The following PITPNM2 variants were observed in gnomAD, a reference collection of about 807,000 sequenced individuals.
The protein encoded by PITPNM2 is phosphatidylinositol transfer protein membrane associated 2.
A neutral mutation model predicts 132.2 loss-of-function variants in PITPNM2; 35 were observed. The observed-to-expected ratio is 0.26, with a 90% CI of 0.20 to 0.35. The LOEUF is 0.35. PITPNM2 is among the 10% of genes least tolerant of loss of function. The probability of loss-of-function intolerance (pLI) is 1.00; values close to 1 mark genes in which losing one functional copy is unlikely to be tolerated. For synonymous variants in PITPNM2, 738 were observed against 799.2 expected, an observed-to-expected ratio of 0.92 and a Z score of 1.29; for missense variants, 1,332 against 1,912.0, an observed-to-expected ratio of 0.70 and a Z score of 5.66.
intron 2 of PITPNM2, among the ~76,000 whole-genome samples, chr12:123,055,905 C>G (rs536745828): frequency 1.3e-5 from 2 of 152,264 alleles, no homozygotes; most frequent in Non-Finnish European, 2.9e-5. Context: ...CACACACACA[C>G]ACACACACAC....
At chr12:122,998,743 G>A (rs1035775154) in intron 10 of PITPNM2, among the ~76,000 whole-genome samples, 9 of 151,816 alleles carry the variant, frequency 5.9e-5, no homozygotes, top group African/African-American at 2.2e-4. Flanking sequence ...CAGGGGGTAG[G>A]GGTAGCACCA....
At chr12:123,116,781 G>A (rs1283239656) in intron 1 of PITPNM2, among the ~76,000 whole-genome samples, 9 of 152,162 alleles carry the variant, frequency 5.9e-5, no homozygotes, top group African/African-American at 2.2e-4. Flanking sequence ...CTTGCCCAAC[G>A]GGTGATGAGG....
In PITPNM2 at chr12:122,986,288, G is replaced by A. The variant is rs776374620; in HGVS notation, c.3789C>T (p.Pro1263=). The change falls in exon 26 of 26, where the codon CCC becomes CCT. Residue 1263 remains proline (P), a synonymous_variant. Coordinates refer to ENST00000320201, the MANE Select transcript of PITPNM2 (RefSeq NM_020845.3). ...CCATGCGGGTGGCCGTGTTGCGAGC[G>A]GGCCGCGCCCGGTGGCTGTACTTCA... is the stretch of plus-strand genomic sequence containing the variant. ...AQLKYSHRAR[P]ARNTATRMAL... 68 of 1,582,632 alleles carry A rather than the reference G, an allele frequency of 4.3e-5. No homozygotes were observed. The East Asian group carries it at 5.7e-4, about 13-fold the overall frequency.
At chr12:123,025,411 G>C (rs960809406) in intron 3 of PITPNM2, among the ~76,000 whole-genome samples, 3 of 151,786 alleles carry the variant, frequency 2.0e-5, no homozygotes, top group African/African-American at 7.3e-5. Flanking sequence ...CTTTAAAAGA[G>C]CTCCTGGAAT....
intron 1 of PITPNM2, among the ~76,000 whole-genome samples, chr12:123,130,612 C>T (rs1259132044): frequency 3.3e-5 from 5 of 152,156 alleles, no homozygotes; most frequent in Non-Finnish European, 7.3e-5. Context: ...AACCCCATCT[C>T]TACTAAAAAT....
rs974821022 is a variant in PITPNM2 at position 123,111,209 on chromosome 12, G to A, written c.-199-721C>T. Among the ~76,000 whole-genome samples the A allele has an allele frequency of 8.5e-5, 13 of 152,302 alleles. No homozygotes were observed. The East Asian group carries it at 1.5e-3, about 18-fold the overall frequency. ...ACAGACAAGCCGGGTAGCCCACCTC[G>A]CAGCTCAACACACATTCTTGTTTGC... is the stretch of plus-strand genomic sequence containing the variant. On this transcript the variant is annotated intron_variant, in intron 1 of 25. Coordinates refer to ENST00000320201, the MANE Select transcript of PITPNM2 (RefSeq NM_020845.3). The surrounding 1 kb of genome is among the most constrained non-coding windows in gnomAD (Gnocchi z 4.1).
At chr12:123,034,815 G>A in intron 2 of PITPNM2, 130 bp from the exon 3 acceptor site, 1 of 514,170 alleles carries the variant, frequency 1.9e-6, no homozygotes, top group Non-Finnish European at 3.5e-6. Flanking sequence ...TGATCCAACG[G>A]TGCAACTTTG....
chr12:122,990,443 G>C, intron 17 of PITPNM2, 102 bp downstream of exon 17: 3 of 1,495,550 alleles, frequency 2.0e-6, no homozygotes, highest in Non-Finnish European at 2.7e-6. Context: ...GCCCTCCCTA[G>C]CTTCATCAGC....
rs1042509951 is a variant in PITPNM2, at chr12:122,989,993, C to T, written c.2570-45G>A. 136 of 1,279,124 alleles carry T rather than the reference C, an allele frequency of 1.1e-4. No homozygotes were observed. The East Asian group carries it at 1.4e-3, about 13-fold the overall frequency. The allele number at this position is 1,279,124 out of a possible 1,614,324, so 79.2% of individuals were successfully genotyped here. On this transcript the variant is annotated intron_variant, in intron 17 of 25. Transcript: ENST00000320201. The stretch of plus-strand genomic sequence containing the variant: ...GATGGCTCAGCCACGCGGGGATGAC[C>T]GCACTGCCACGTCTACCAGGGGCCA...
In PITPNM2 at chr12:122,987,603, C is replaced by T. The variant is rs765564072; in HGVS notation, c.3171G>A (p.Thr1057=). 8.1e-6 allele frequency: 13 copies of T among 1,613,822 alleles called. No individual in the cohort carries two copies. Among genetic ancestry groups the T allele is most frequent in the Admixed American group, 3.3e-5 (2 of 59,998 alleles). The part of the protein sequence containing the change: ...PPSGEWLYLD[T]LVTNNSGRVS... ...CACGCCCACTGTTGTTGGTCACCAGCGTATCCAGGTAGAGCCACTCGCCTG... is the reference window on the plus strand; with the variant it reads ...CACGCCCACTGTTGTTGGTCACCAGTGTATCCAGGTAGAGCCACTCGCCTG... Residue 1057 remains threonine (T), a synonymous_variant, in exon 22 of 26, where the codon ACG becomes ACA. Coordinates refer to ENST00000320201, the MANE Select transcript of PITPNM2 (RefSeq NM_020845.3).
chr12:123,075,048 T>C (rs527238318), intron 2 of PITPNM2, among the ~76,000 whole-genome samples: 96 of 152,346 alleles, frequency 6.3e-4, no homozygotes, highest in African/African-American at 2.1e-3. Flanking sequence ...TGTGTGTGCG[T>C]GCATGTGGGT....
intron 2 of PITPNM2, among the ~76,000 whole-genome samples, chr12:123,061,003 C>T (rs1191571572): frequency 6.6e-6 from 1 of 151,982 alleles, no homozygotes; most frequent in Non-Finnish European, 1.5e-5. Flanking sequence ...TATCCATCTA[C>T]CCATGTAGCT....
rs200201006 is a variant in PITPNM2, at chr12:123,000,827, G to T, written c.1175C>A (p.Ala392Asp). The change falls in exon 10 of 26, where the codon GCC becomes GAC. Residue 392 changes from alanine (A) to aspartate (D), a missense_variant. Ala to Asp is a moderately radical substitution (Grantham distance 126, BLOSUM62 -2). Transcript: ENST00000320201. The surrounding 1 kb of genome is among the most constrained non-coding windows in gnomAD (Gnocchi z 5.4). ...DTQDGLYRQG[A>D]PEFRVASSVE... is the part of the protein sequence containing the mutation. ...ACTGGAGGCCACCCTGAACTCAGGG[G>T]CACCCTGGCGGTACAGACCATCTGC... 1.2e-5 allele frequency: 20 copies of T among 1,614,064 alleles called. No individual in the cohort carries two copies. The highest frequency in any genetic ancestry group is 3.3e-4 in the Middle Eastern group (2 of 6,062).
chr12:123,021,283 A>C (rs7962085), intron 3 of PITPNM2, among the ~76,000 whole-genome samples: 123 of 152,302 alleles, frequency 8.1e-4, no homozygotes, highest in African/African-American at 2.9e-3. Context: ...CATGTGGGCC[A>C]CAGGGGCCCC....
intron 3 of PITPNM2, among the ~76,000 whole-genome samples, chr12:123,029,821 ATGTGTCTG>A (rs1392048217): frequency 9.2e-4 from 114 of 124,510 alleles, no homozygotes; most frequent in African/African-American, 4.7e-3. Context: ...GGACACACAT[ATGTGTCTG>A]TGTGTGTGTG....
chr12:123,073,124 T>A (rs2041664836), intron 2 of PITPNM2, among the ~76,000 whole-genome samples: 1 of 152,236 alleles, frequency 6.6e-6, no homozygotes, highest in Non-Finnish European at 1.5e-5. Flanking sequence ...CATGGGTCGT[T>A]AAGGTACAAA....
intron 3 of PITPNM2, among the ~76,000 whole-genome samples, chr12:123,034,093 G>A (rs186149503): frequency 6.6e-5 from 10 of 152,314 alleles, no homozygotes; most frequent in East Asian, 1.9e-4. Flanking sequence ...ACCAGAAACC[G>A]CACTTGCCAG....
intron 2 of PITPNM2, among the ~76,000 whole-genome samples, chr12:123,046,215 G>T (rs1014021078): frequency 3.3e-5 from 5 of 151,998 alleles, no homozygotes; most frequent in Non-Finnish European, 5.9e-5. Flanking sequence ...TTCCCAGTGT[G>T]AATGGCCCCC....
intron 19 of PITPNM2, 136 bp downstream of exon 19, chr12:122,988,587 AG>A: frequency 2.1e-6 from 2 of 939,590 alleles, no homozygotes; most frequent in Non-Finnish European, 3.2e-6. Context: ...CCGAGCATAA[AG>A]GTGCCCTCAT....
Sources: gnomAD v4.1 joint callset for allele counts (sites outside exome capture counted in the v4.1 genomes callset) on GRCh38, gnomAD v4.1.1 for gene constraint, Gnocchi (gnomAD v3.1) non-coding constraint, MANE v1.5 for transcripts, NCBI Gene and HGNC (gene_info 2026-07-23, HGNC 2026-07-21) for gene names.